The following ANKIB1 variants were observed in gnomAD, a reference collection of about 807,000 sequenced individuals.
The protein encoded by ANKIB1 is ankyrin repeat and IBR domain-containing protein 1.
A neutral mutation model predicts 122.1 loss-of-function variants in ANKIB1; 43 were observed. That is an observed-to-expected ratio of 0.35 (90% CI 0.28 to 0.45). The LOEUF (loss-of-function observed/expected upper bound fraction) is 0.45, where lower values mean the gene tolerates loss of function less well. ANKIB1 is among the 20% of genes least tolerant of loss of function. ANKIB1 has a pLI of 1.00. For synonymous variants in ANKIB1, 390 were observed against 442.0 expected (o/e 0.88, Z 1.48); for missense variants, 992 against 1,329.5 (o/e 0.75, Z 3.95).
chr7:92,325,710 A>G (rs1056801110), intron 4 of ANKIB1, among the ~76,000 whole-genome samples: 1 of 152,194 alleles, frequency 6.6e-6, no homozygotes, highest in African/African-American at 2.4e-5. Context: ...AAAAAATAAA[A>G]ACAAATACTT....
chr7:92,300,473 A>G (rs1444090675), intron 2 of ANKIB1, among the ~76,000 whole-genome samples: 2 of 152,144 alleles, frequency 1.3e-5, no homozygotes, highest in African/African-American at 4.8e-5. Flanking sequence ...AGAATAAACA[A>G]CCCTAATTCT....
intron 8 of ANKIB1, among the ~76,000 whole-genome samples, chr7:92,351,967 T>A (rs1803675125): frequency 6.6e-6 from 1 of 151,998 alleles, no homozygotes; most frequent in South Asian, 2.1e-4. Context: ...GTGATCCGCC[T>A]GCCTCAGCCT....
chr7:92,386,423 A>G (rs2115694092), intron 11 of ANKIB1, 86 bp from the exon 12 acceptor site: 1 of 1,364,328 alleles, frequency 7.3e-7, no homozygotes, highest in African/African-American at 1.5e-5. Flanking sequence ...CAATTATTTA[A>G]TCTTTACAGA....
At chr7:92,380,405 C>T (rs1804486710) in intron 11 of ANKIB1, among the ~76,000 whole-genome samples, 1 of 152,180 alleles carries the variant, frequency 6.6e-6, no homozygotes, top group Non-Finnish European at 1.5e-5. Context: ...GGTGTTTGAG[C>T]TCTGAGAACG....
chr7:92,378,105 C>T lies in ANKIB1; in HGVS notation c.1617+6498C>T, dbSNP rs137945265. ...AGGGATAAAACTCTACAGATATTAG[C>T]AAACATAATCCAGCAGAGCACATTC... On this transcript the variant is annotated intron_variant, in intron 11 of 19. Coordinates refer to ENST00000265742, the MANE Select transcript of ANKIB1 (RefSeq NM_019004.2). Among the ~76,000 whole-genome samples the T allele has an allele frequency of 5.9e-5, 9 of 152,258 alleles. No homozygotes were observed. The East Asian group carries it at 1.7e-3, about 29-fold the overall frequency.
At chr7:92,313,139 G>T (rs1802726545) in intron 3 of ANKIB1, among the ~76,000 whole-genome samples, 1 of 152,128 alleles carries the variant, frequency 6.6e-6, no homozygotes, top group Non-Finnish European at 1.5e-5. Flanking sequence ...TTAAATGAGT[G>T]TTATCTTAGA....
At chr7:92,364,227 C>T (rs534465680) in intron 10 of ANKIB1, among the ~76,000 whole-genome samples, 37 of 145,698 alleles carry the variant, frequency 2.5e-4, no homozygotes, top group African/African-American at 8.6e-4. Flanking sequence ...GCAGGAGAAT[C>T]GCTTGAACCC....
At chr7:92,298,011 C>T (rs1440019412) in intron 2 of ANKIB1, among the ~76,000 whole-genome samples, 2 of 152,156 alleles carry the variant, frequency 1.3e-5, no homozygotes, top group Non-Finnish European at 2.9e-5. Flanking sequence ...AGTCCTAACT[C>T]TGTTTCTGCC....
At chr7:92,362,861 A>G (rs1208300776) in intron 10 of ANKIB1, among the ~76,000 whole-genome samples, 1 of 152,324 alleles carries the variant, frequency 6.6e-6, no homozygotes, top group Non-Finnish European at 1.5e-5. Flanking sequence ...TGAATGACAC[A>G]GGGCATGTGC....
At chr7:92,282,049 C>T (rs530278689) in intron 1 of ANKIB1, among the ~76,000 whole-genome samples, 2 of 152,120 alleles carry the variant, frequency 1.3e-5, no homozygotes, top group Non-Finnish European at 2.9e-5. Context: ...AACTTCGATA[C>T]ATAGTGTGTA....
Position 92,386,638 on chromosome 7 carries a change from G to C in ANKIB1, c.1747G>C (p.Val583Leu), listed in dbSNP as rs1489920242. 6.3e-7 allele frequency: 1 copy of C among 1,599,088 alleles called. No individual in the cohort carries two copies. The highest frequency in any genetic ancestry group is 1.3e-5 in the African/African-American group (1 of 74,396). Reference protein sequence around the residue: ...HVEEQSKEMTVEAEKKHKRFQ... With the variant: ...HVEEQSKEMTLEAEKKHKRFQ... ...GGAGGAGCAATCCAAGGAAATGACT[G>C]TGGAGGTAAAGAGAACCAATTAAGC... The change falls in exon 12 of 20, where the codon GTG (valine) becomes CTG (leucine). Residue 583 changes from valine to leucine, a missense_variant. Around this residue, in one of 4 missense-constraint regions of ANKIB1, gnomAD observed 521 missense variants for 777.7 expected, o/e 0.67. Transcript: ENST00000265742.
At chr7:92,278,627 C>T (rs188043367) in intron 1 of ANKIB1, among the ~76,000 whole-genome samples, 18 of 152,290 alleles carry the variant, frequency 1.2e-4, no homozygotes, top group Admixed American at 1.0e-3. Flanking sequence ...GGGACAAAAG[C>T]ATTTTCTTAG....
intron 10 of ANKIB1, among the ~76,000 whole-genome samples, chr7:92,370,338 G>A (rs1015966272): frequency 1.3e-5 from 2 of 151,066 alleles, no homozygotes; most frequent in African/African-American, 4.9e-5. Flanking sequence ...GAAACCCCAT[G>A]TCTACTAAAA....
chr7:92,387,307 C>T (rs1008065320), intron 12 of ANKIB1, among the ~76,000 whole-genome samples: 1 of 152,040 alleles, frequency 6.6e-6, no homozygotes, highest in African/African-American at 2.4e-5. Context: ...AGGGGGAATA[C>T]CATTAGTCCA....
At chr7:92,359,726 C>T (rs2115593858) in intron 9 of ANKIB1, among the ~76,000 whole-genome samples, 1 of 152,284 alleles carries the variant, frequency 6.6e-6, no homozygotes, top group East Asian at 1.9e-4. Flanking sequence ...TCCTCTCCAG[C>T]ATCTGTTGTT....
At position 92,269,650 on chromosome 7, in the gene ANKIB1, T is replaced by C. The variant is rs146758234; in HGVS notation, c.-91+23131T>C. 1.7e-4 allele frequency among the ~76,000 whole-genome samples: 26 copies of C among 152,326 alleles called. No homozygotes were observed. The East Asian group carries it at 4.8e-3, about 28-fold the overall frequency. On this transcript the variant is annotated intron_variant, in intron 1 of 19. Transcript: ENST00000265742. ...TTATTCTATGTAAGCCTATGGTAAC[T>C]TGATTCATTGATACCTTCCAAGGGG...
rs994477126 is a variant in ANKIB1, at chr7:92,344,872, T to C, written c.997-106T>C. On this transcript the variant is annotated intron_variant, in intron 6 of 19. Transcript: ENST00000265742. ...TGAAAGAGGTAACTTTCAAAAACTT[T>C]TAATTACTGTACTAGTATTTTTGCC... 3.6e-5 allele frequency: 30 copies of C among 844,396 alleles called. No individual in the cohort carries two copies. In the African/African-American group the frequency reaches 4.5e-4, roughly 13 times the overall value. 52.3% of individuals were successfully genotyped at this position (844,396 alleles called of 1,614,324 possible). A position where few individuals can be genotyped will look rare whatever the true frequency, so the allele number is the denominator to read the frequency against.
At chr7:92,369,566 CT>C (rs1804185193) in intron 10 of ANKIB1, among the ~76,000 whole-genome samples, 2 of 152,142 alleles carry the variant, frequency 1.3e-5, no homozygotes, top group African/African-American at 4.8e-5. Context: ...TCCCCAGGGG[CT>C]TATATCTAGG....
intron 5 of ANKIB1, among the ~76,000 whole-genome samples, chr7:92,341,358 A>C (rs1424364560): frequency 6.6e-6 from 1 of 152,030 alleles, no homozygotes; most frequent in Non-Finnish European, 1.5e-5. Flanking sequence ...AAAGCCATCT[A>C]GCATTTTCTT....
Sources: allele counts gnomAD v4.1 joint callset (sites outside exome capture counted in the v4.1 genomes callset), GRCh38; gene constraint gnomAD v4.1.1; regional missense constraint gnomAD v4.1.1; transcripts MANE v1.5; gene names NCBI Gene and HGNC (gene_info 2026-07-23, HGNC 2026-07-21).